The following BTBD9 variants were observed in gnomAD, a reference collection of about 807,000 sequenced individuals.
The protein encoded by BTBD9 is BTB domain containing 9.
Under a neutral mutation model 64.3 loss-of-function variants are expected in BTBD9, and 49 were observed. The ratio of observed to expected loss-of-function variants is 0.76; its 90% CI spans 0.61 to 0.97. BTBD9 has a LOEUF of 0.97. Among genes scored for constraint, BTBD9 ranks in the 50% least tolerant of loss-of-function variants. BTBD9 has a pLI of 0.00. For missense variants in BTBD9, 598 were observed against 762.1 expected, an observed-to-expected ratio of 0.78 and a Z score of 2.53; for synonymous variants, 260 against 274.7, an observed-to-expected ratio of 0.95 and a Z score of 0.53.
intron 6 of BTBD9, among the ~76,000 whole-genome samples, chr6:38,463,161 G>A (rs554407209): frequency 6.6e-6 from 1 of 152,282 alleles, no homozygotes; most frequent in East Asian, 1.9e-4. Context: ...TAATAAATGA[G>A]TTTTTAAAAA....
intron 9 of BTBD9, among the ~76,000 whole-genome samples, chr6:38,241,121 A>C (rs1763979192): frequency 6.6e-6 from 1 of 152,232 alleles, no homozygotes; most frequent in South Asian, 2.1e-4. Context: ...CTCCAGCATC[A>C]GAATTTCTAT....
chr6:38,616,457 CT>C (rs202074071), intron 1 of BTBD9, among the ~76,000 whole-genome samples: 1 of 151,940 alleles, frequency 6.6e-6, no homozygotes, highest in African/African-American at 2.4e-5. Context: ...CTACTAAACA[CT>C]TTTTTTTAAT....
intron 6 of BTBD9, among the ~76,000 whole-genome samples, chr6:38,422,647 C>T (rs1040620857): frequency 2.0e-5 from 3 of 152,080 alleles, no homozygotes; most frequent in Non-Finnish European, 4.4e-5. Context: ...AAGACTATAT[C>T]TTCTATGAAA....
rs1247747479 is a variant in BTBD9 at position 38,351,506 on chromosome 6, TG to T, written c.1155-6414del. Among the ~76,000 whole-genome samples, 1,031 of 127,276 alleles carry T rather than the reference TG, an allele frequency of 8.1e-3. 69 individuals are homozygous for T. The highest frequency in any genetic ancestry group is 0.024 in the South Asian group (83 of 3,460). 83.5% of individuals were successfully genotyped at this position (127,276 alleles called of 152,430 possible). ...CTAAAGACAAATATTTAATTGTTGT[TG>T]TTTTTTTTTTTTTTTTTTTTGAGAT... On this transcript the variant is annotated intron_variant, in intron 6 of 10. Coordinates refer to ENST00000481247, the MANE Select transcript of BTBD9 (RefSeq NM_001099272.2).
At chr6:38,584,708 T>C (rs1353932937) in intron 4 of BTBD9, among the ~76,000 whole-genome samples, 1 of 152,132 alleles carries the variant, frequency 6.6e-6, no homozygotes, top group African/African-American at 2.4e-5. Context: ...CTACTCCCCA[T>C]CCCAACTTCC....
intron 7 of BTBD9, among the ~76,000 whole-genome samples, chr6:38,336,192 T>C (rs1285732916): frequency 6.6e-6 from 1 of 152,200 alleles, no homozygotes; most frequent in Non-Finnish European, 1.5e-5. Context: ...GGTGGTCCAC[T>C]AGAAGGGGCT....
chr6:38,603,029 T>G (rs148333156), intron 1 of BTBD9, among the ~76,000 whole-genome samples: 2 of 152,264 alleles, frequency 1.3e-5, no homozygotes, highest in African/African-American at 4.8e-5. Context: ...GTTCTTCAAT[T>G]TGCCCCTACT....
intron 7 of BTBD9, among the ~76,000 whole-genome samples, chr6:38,310,073 T>C (rs1312851795): frequency 6.6e-6 from 1 of 152,000 alleles, no homozygotes; most frequent in Non-Finnish European, 1.5e-5. Flanking sequence ...GAGTGAGAGG[T>C]GTGAGAAGGA....
At chr6:38,382,780 TAA>T (rs1765993752) in intron 6 of BTBD9, among the ~76,000 whole-genome samples, 1 of 152,084 alleles carries the variant, frequency 6.6e-6, no homozygotes, top group East Asian at 1.9e-4. Flanking sequence ...TAAATAACTT[TAA>T]GTCAATAAAT....
intron 6 of BTBD9, among the ~76,000 whole-genome samples, chr6:38,513,222 G>A (rs929647684): frequency 6.6e-4 from 101 of 152,142 alleles, no homozygotes; most frequent in African/African-American, 1.4e-4. Context: ...TTGGGAGGCC[G>A]AGGGGAGTGG....
Position 38,169,461 on chromosome 6 carries a change from T to G in BTBD9, c.*5524A>C, listed in dbSNP as rs1024919119. 1 of 130,608 alleles carries G rather than the reference T, an allele frequency of 7.7e-6. No individual in the cohort carries two copies. Among genetic ancestry groups the G allele is most frequent in the African/African-American group, 2.9e-5 (1 of 34,984 alleles). The allele number at this position is 130,608 out of a possible 1,614,324, so 8.1% of individuals were successfully genotyped here. A position where few individuals can be genotyped will look rare whatever the true frequency, so the allele number is the denominator to read the frequency against. ...ACATAAACCCCTGGGGCTCATGTGG[T>G]GGGGAGCAATTTGGCAGCAGACGGA... is the stretch of plus-strand genomic sequence containing the variant. On this transcript the variant is annotated 3_prime_UTR_variant, in exon 11 of 11. Transcript: ENST00000481247.
intron 6 of BTBD9, among the ~76,000 whole-genome samples, chr6:38,397,595 T>G (rs1313490117): frequency 6.6e-6 from 1 of 152,226 alleles, no homozygotes; most frequent in African/African-American, 2.4e-5. Flanking sequence ...TACTTCAGCG[T>G]GCTATTTGCA....
chr6:38,305,470 G>A (rs142747305), intron 7 of BTBD9, among the ~76,000 whole-genome samples: 188 of 152,086 alleles, frequency 1.2e-3, no homozygotes, highest in African/African-American at 2.8e-3. Flanking sequence ...ACTATAAAAG[G>A]TTATTGTTTT....
intron 6 of BTBD9, among the ~76,000 whole-genome samples, chr6:38,458,175 T>C (rs1769908738): frequency 6.6e-6 from 1 of 152,218 alleles, no homozygotes; most frequent in African/African-American, 2.4e-5. Flanking sequence ...ATTAAAATAT[T>C]TGTTTGCAAG....
At chr6:38,530,503 G>GACACCAGAGACCAATCCTGGAGAGACA (rs1582585732) in intron 6 of BTBD9, among the ~76,000 whole-genome samples, 19 of 143,694 alleles carry the variant, frequency 1.3e-4, no homozygotes, top group South Asian at 2.2e-4. Flanking sequence ...CACTTCTGGT[G>GACACCAGAGACCAATCCTGGAGAGACA]GCCCAACTGT....
chr6:38,371,947 T>G (rs1765446665), intron 6 of BTBD9, among the ~76,000 whole-genome samples: 1 of 152,218 alleles, frequency 6.6e-6, no homozygotes, highest in Non-Finnish European at 1.5e-5. Flanking sequence ...TACATACTAG[T>G]TTTAGACAAA....
intron 7 of BTBD9, among the ~76,000 whole-genome samples, chr6:38,336,997 C>G (rs1180550105): frequency 1.3e-5 from 2 of 152,088 alleles, no homozygotes; most frequent in Non-Finnish European, 2.9e-5. Flanking sequence ...CAAGCAGAAC[C>G]AGCCTTAATA....
At chr6:38,251,221 A>G (rs1481313799) in intron 9 of BTBD9, among the ~76,000 whole-genome samples, 1 of 152,006 alleles carries the variant, frequency 6.6e-6, no homozygotes, top group African/African-American at 2.4e-5. Context: ...TTTGTTTTAT[A>G]TCAAGGAGTT....
chr6:38,510,735 A>T (rs528302943), intron 6 of BTBD9, among the ~76,000 whole-genome samples: 1 of 152,162 alleles, frequency 6.6e-6, no homozygotes, highest in Non-Finnish European at 1.5e-5. Context: ...AAATACTAAG[A>T]CATAAACATA....
Sources: gnomAD v4.1 joint callset for allele counts (sites outside exome capture counted in the v4.1 genomes callset) on GRCh38, gnomAD v4.1.1 for gene constraint, MANE v1.5 for transcripts, NCBI Gene and HGNC (gene_info 2026-07-23, HGNC 2026-07-21) for gene names.